The following TFPI variants were observed in gnomAD, a reference collection of about 807,000 sequenced individuals.
TFPI encodes the protein anti-convertin.
In TFPI, 15 loss-of-function variants were observed where a neutral mutation model predicts 34.6. That is an observed-to-expected ratio of 0.43 (90% CI 0.29 to 0.67). The LOEUF (loss-of-function observed/expected upper bound fraction) is 0.67, where lower values mean the gene tolerates loss of function less well. Among genes scored for constraint, TFPI ranks in the 30% least tolerant of loss-of-function variants. The pLI is 0.15. For synonymous variants in TFPI, 105 were observed against 120.1 expected (o/e 0.87, Z 0.82); for missense variants, 301 against 364.0 (o/e 0.83, Z 1.41).
intron 4 of TFPI, among the ~76,000 whole-genome samples, chr2:187,487,082 A>G (rs1693327146): frequency 6.6e-6 from 1 of 151,624 alleles, no homozygotes. Context: ...TACACTTTAT[A>G]GCATAATTTT....
intron 6 of TFPI, among the ~76,000 whole-genome samples, chr2:187,470,912 G>A (rs1193257590): frequency 1.3e-5 from 2 of 152,180 alleles, no homozygotes; most frequent in Non-Finnish European, 2.9e-5. Flanking sequence ...CATGACTGAT[G>A]CAATGTCAGT....
At position 187,525,243 on chromosome 2, in the gene TFPI, A is replaced by G. The variant is rs552240211; in HGVS notation, c.-2-21473T>C. 2.4e-4 allele frequency among the ~76,000 whole-genome samples: 36 copies of G among 152,102 alleles called. 1 individual carries two copies. In the South Asian group the frequency reaches 6.4e-3, roughly 27 times the overall value. On this transcript the variant is annotated intron_variant, in intron 1 of 7. Coordinates refer to ENST00000233156, the MANE Select transcript of TFPI (RefSeq NM_006287.6). ...ATAAAGGGAATATAACCTTCCAAGTAGCATAAAACAGAGTAATATTTGCAC... is the reference window on the plus strand; with the variant it reads ...ATAAAGGGAATATAACCTTCCAAGTGGCATAAAACAGAGTAATATTTGCAC...
At chr2:187,526,649 A>T (rs1188090155) in intron 1 of TFPI, among the ~76,000 whole-genome samples, 2 of 152,252 alleles carry the variant, frequency 1.3e-5, no homozygotes, top group Non-Finnish European at 2.9e-5. Flanking sequence ...TCTAGAAAAA[A>T]ATTTATGGTG....
chr2:187,503,519 A>G, intron 2 of TFPI, 129 bp downstream of exon 2: 1 of 1,118,698 alleles, frequency 8.9e-7, no homozygotes, highest in Non-Finnish European at 1.3e-6. Flanking sequence ...GGTATAATAA[A>G]TTTCCAAAGA....
At chr2:187,507,166 T>G (rs1686282481) in intron 1 of TFPI, among the ~76,000 whole-genome samples, 1 of 152,196 alleles carries the variant, frequency 6.6e-6, no homozygotes, top group South Asian at 2.1e-4. Flanking sequence ...GTGTTTGGTT[T>G]TCTGTTCCTG....
chr2:187,484,141 T>C lies in TFPI; in HGVS notation c.611A>G (p.Lys204Arg). ...ATTCTTACCAAAAAGGCTGGGAACC[T>C]TGGTTGATTGCGGAGTCAGGGAGTT... Reference protein sequence around the residue: ...VNNSLTPQSTKVPSLFEFHGP... With the variant: ...VNNSLTPQSTRVPSLFEFHGP... The change falls in exon 6 of 8, where the codon AAG (lysine) becomes AGG (arginine). Residue 204 changes from lysine to arginine, a missense_variant. Lys to Arg is a conservative substitution (Grantham distance 26). Transcript: ENST00000233156. 1 of 1,612,332 alleles carries C rather than the reference T, an allele frequency of 6.2e-7. No individual in the cohort carries two copies. Among genetic ancestry groups the C allele is most frequent in the African/African-American group, 1.3e-5 (1 of 74,952 alleles).
chr2:187,513,997 G>A (rs1484180841), intron 1 of TFPI: 3 of 152,114 alleles, frequency 2.0e-5, no homozygotes, highest in Non-Finnish European at 4.4e-5. Context: ...TTAATCCAGG[G>A]AGATTTCCAT....
At chr2:187,506,253 T>C (rs139493938) in intron 1 of TFPI, among the ~76,000 whole-genome samples, 1 of 152,226 alleles carries the variant, frequency 6.6e-6, no homozygotes, top group African/African-American at 2.4e-5. Flanking sequence ...GCAGAGAATT[T>C]GCTGTAAACA....
intron 1 of TFPI, among the ~76,000 whole-genome samples, chr2:187,552,162 TGTATTAG>T (rs1689120355): frequency 1.3e-5 from 2 of 151,616 alleles, no homozygotes; most frequent in Non-Finnish European, 2.9e-5. Flanking sequence ...TTTTTTTTCT[TGTATTAG>T]GTAGAGATAT....
rs190391982 is a variant in TFPI, at chr2:187,534,682, T to C, written c.-3+19518A>G. ...TCAACTAACAGGCAAAATAACCAGC[T>C]AGCATCATAATGACAGGATCAAATT... On this transcript the variant is annotated intron_variant, in intron 1 of 7. Transcript: ENST00000233156. 8.3e-4 allele frequency among the ~76,000 whole-genome samples: 127 copies of C among 152,200 alleles called. 1 individual carries two copies. Among genetic ancestry groups the C allele is most frequent in the African/African-American group, 2.9e-3 (120 of 41,528 alleles).
intron 1 of TFPI, among the ~76,000 whole-genome samples, chr2:187,506,336 TA>T (rs1156712144): frequency 3.9e-5 from 6 of 151,984 alleles, no homozygotes; most frequent in Non-Finnish European, 2.9e-5. Context: ...CCCCATTATT[TA>T]AAATAGTTTT....
At chr2:187,523,607 G>T (rs1687527417) in intron 1 of TFPI, among the ~76,000 whole-genome samples, 2 of 151,942 alleles carry the variant, frequency 1.3e-5, no homozygotes, top group African/African-American at 2.4e-5. Context: ...ATAAATTAAG[G>T]TTCACTCTTT....
At chr2:187,528,467 G>C (rs1227846441) in intron 1 of TFPI, among the ~76,000 whole-genome samples, 1 of 152,030 alleles carries the variant, frequency 6.6e-6, no homozygotes, top group Non-Finnish European at 1.5e-5. Context: ...AGCAAACCCT[G>C]TTTTATTTCA....
At chr2:187,507,660 TG>T (rs370011895) in intron 1 of TFPI, among the ~76,000 whole-genome samples, 78 of 152,358 alleles carry the variant, frequency 5.1e-4, no homozygotes, top group Middle Eastern at 3.4e-3. Context: ...TTGATGGGAT[TG>T]TTTTTTTCTT....
At chr2:187,488,442 TTAAC>T in intron 3 of TFPI, 67 bp from the exon 4 acceptor site, 2 of 1,059,008 alleles carry the variant, frequency 1.9e-6, no homozygotes, top group Non-Finnish European at 2.6e-6. Context: ...GAATTTGAAT[TTAAC>T]AAACAAGAGT....
intron 1 of TFPI, among the ~76,000 whole-genome samples, chr2:187,534,825 G>C (rs182197715): frequency 6.6e-6 from 1 of 151,748 alleles, no homozygotes; most frequent in Admixed American, 6.6e-5. Flanking sequence ...GGAGTCCCAT[G>C]TCACGTGCAA....
intron 1 of TFPI, among the ~76,000 whole-genome samples, chr2:187,535,651 A>C (rs1688209482): frequency 6.6e-6 from 1 of 152,324 alleles, no homozygotes; most frequent in African/African-American, 2.4e-5. Flanking sequence ...TAAAGTTGAC[A>C]ACCAAACATT....
intron 1 of TFPI, among the ~76,000 whole-genome samples, chr2:187,523,222 A>C (rs1429845593): frequency 6.6e-6 from 1 of 152,168 alleles, no homozygotes; most frequent in Admixed American, 6.5e-5. Flanking sequence ...AACTTTGTTT[A>C]AGTGAAACAT....
chr2:187,520,694 A>C (rs1214121012), intron 1 of TFPI: 1 of 152,060 alleles, frequency 6.6e-6, no homozygotes, highest in Admixed American at 6.5e-5. Flanking sequence ...TTAAGGTGAG[A>C]GTATCTATAT....
Sources: gnomAD v4.1 joint callset for allele counts (sites outside exome capture counted in the v4.1 genomes callset) on GRCh38, gnomAD v4.1.1 for gene constraint, MANE v1.5 for transcripts, NCBI Gene and HGNC (gene_info 2026-07-23, HGNC 2026-07-21) for gene names.